The following BMPR1B variants were observed in gnomAD, a reference collection of about 807,000 sequenced individuals.
The protein encoded by BMPR1B is bone morphogenetic protein receptor type-1B.
BMPR1B carries 12 observed loss-of-function variants against 59.1 expected under a neutral mutation model. The observed-to-expected ratio is 0.20, with a 90% CI of 0.13 to 0.33. The LOEUF is 0.33. Ranked by LOEUF, BMPR1B falls within the 10% of genes least tolerant of loss-of-function variation. The probability of loss-of-function intolerance (pLI) is 1.00; values close to 1 mark genes in which losing one functional copy is unlikely to be tolerated. For missense variants in BMPR1B, 550 were observed against 610.9 expected, an observed-to-expected ratio of 0.90 and a Z score of 1.05; for synonymous variants, 237 against 207.3, an observed-to-expected ratio of 1.14 and a Z score of -1.23.
intron 3 of BMPR1B, among the ~76,000 whole-genome samples, chr4:95,014,306 A>C (rs1200678108): frequency 6.6e-6 from 1 of 152,210 alleles, no homozygotes; most frequent in Non-Finnish European, 1.5e-5. Flanking sequence ...CAGAAGTTAG[A>C]CTATCTTATA....
chr4:95,032,139 G>T (rs930998114), intron 3 of BMPR1B, among the ~76,000 whole-genome samples: 3 of 152,096 alleles, frequency 2.0e-5, no homozygotes, highest in African/African-American at 7.2e-5. Flanking sequence ...ACAGTTCTGG[G>T]GACTGGGAAA....
intron 3 of BMPR1B, among the ~76,000 whole-genome samples, chr4:95,048,187 G>T (rs988462368): frequency 6.6e-6 from 1 of 152,106 alleles, no homozygotes; most frequent in African/African-American, 2.4e-5. Flanking sequence ...TCTTTATCCA[G>T]TCTACTGCTG....
chr4:94,903,339 A>C (rs1014997008), intron 2 of BMPR1B, among the ~76,000 whole-genome samples: 8 of 151,954 alleles, frequency 5.3e-5, no homozygotes, highest in Non-Finnish European at 1.2e-4. Flanking sequence ...GAATGAACTT[A>C]TTATACTCCT....
At chr4:94,858,460 G>A (rs751670585) in intron 1 of BMPR1B, among the ~76,000 whole-genome samples, 5 of 152,076 alleles carry the variant, frequency 3.3e-5, no homozygotes, top group Non-Finnish European at 7.4e-5. Context: ...TGGAATTCAT[G>A]CCATAATTTT....
intron 1 of BMPR1B, among the ~76,000 whole-genome samples, chr4:94,857,366 C>T (rs1300826099): frequency 6.6e-6 from 1 of 152,124 alleles, no homozygotes; most frequent in Non-Finnish European, 1.5e-5. Flanking sequence ...GTACCATTTT[C>T]TGTAGAAGGT....
At chr4:94,913,952 T>C (rs1193035598) in intron 2 of BMPR1B, among the ~76,000 whole-genome samples, 2 of 152,190 alleles carry the variant, frequency 1.3e-5, no homozygotes, top group African/African-American at 2.4e-5. Flanking sequence ...GGCTATCTTA[T>C]TGGATAGGGT....
chr4:94,872,138 T>C (rs1301843002), intron 1 of BMPR1B, among the ~76,000 whole-genome samples: 1 of 152,200 alleles, frequency 6.6e-6, no homozygotes, highest in East Asian at 1.9e-4. Flanking sequence ...GAGGTCTGCT[T>C]TCTCTTACCG....
intron 1 of BMPR1B, among the ~76,000 whole-genome samples, chr4:94,804,590 C>CTTTTTTTTTTTTTTTT: frequency 8.2e-6 from 1 of 121,568 alleles, no homozygotes; most frequent in Non-Finnish European, 1.6e-5. Context: ...CTTTGTAATA[C>CTTTTTTTTTTTTTTTT]TTTTTTTTTT....
rs1236683068 is a variant in BMPR1B at position 95,061,190 on chromosome 4, CACACACACACACACACACACCA to C, written c.-17-43217_-17-43196del. On this transcript the variant is annotated intron_variant, in intron 3 of 12. Coordinates refer to ENST00000515059, the MANE Select transcript of BMPR1B (RefSeq NM_001203.3). ...ACACACACACACACACACACACACACACACACACACACACACACACCACACACCCCTCCATTGAATATACATA... is the reference window on the plus strand; with the variant it reads ...ACACACACACACACACACACACACACCACACCCCTCCATTGAATATACATA... Among the ~76,000 whole-genome samples the C allele has an allele frequency of 5.3e-4, 56 of 106,340 alleles. No individual in the cohort carries two copies. The East Asian group carries it at 0.011, about 20-fold the overall frequency. 69.8% of individuals were successfully genotyped at this position (106,340 alleles called of 152,430 possible). A position where few individuals can be genotyped will look rare whatever the true frequency, so the allele number is the denominator to read the frequency against.
intron 1 of BMPR1B, among the ~76,000 whole-genome samples, chr4:94,762,355 C>G (rs745508593): frequency 1.3e-5 from 2 of 152,106 alleles, no homozygotes. Context: ...GAAAACAAGA[C>G]AGGGTGATAA....
At chr4:95,142,515 G>GGGTA (rs1734309790) in intron 10 of BMPR1B, among the ~76,000 whole-genome samples, 2 of 151,844 alleles carry the variant, frequency 1.3e-5, no homozygotes, top group South Asian at 4.2e-4. Flanking sequence ...ATTTTTTAAG[G>GGGTA]GGTACAATGT....
intron 2 of BMPR1B, among the ~76,000 whole-genome samples, chr4:94,887,267 A>G (rs1178205989): frequency 2.0e-5 from 3 of 151,570 alleles, no homozygotes; most frequent in East Asian, 3.9e-4. Context: ...TAAACTAGGA[A>G]TTGTGTAAAA....
intron 3 of BMPR1B, among the ~76,000 whole-genome samples, chr4:95,009,867 C>A (rs1024455278): frequency 6.6e-6 from 1 of 152,148 alleles, no homozygotes; most frequent in Non-Finnish European, 1.5e-5. Context: ...AAGGATCTTT[C>A]ACTGAAGAGG....
chr4:94,945,371 G>A (rs945975764), intron 2 of BMPR1B, among the ~76,000 whole-genome samples: 10 of 152,102 alleles, frequency 6.6e-5, no homozygotes, highest in Non-Finnish European at 1.3e-4. Flanking sequence ...TATGATGATG[G>A]GAAAAACATC....
At chr4:95,006,337 G>A (rs1462022249) in intron 3 of BMPR1B, among the ~76,000 whole-genome samples, 1 of 147,994 alleles carries the variant, frequency 6.8e-6, no homozygotes, top group Non-Finnish European at 1.5e-5. Flanking sequence ...GAGATCAGGA[G>A]TACGAGACCA....
intron 1 of BMPR1B, among the ~76,000 whole-genome samples, chr4:94,788,412 A>C (rs1029244806): frequency 2.6e-5 from 4 of 152,094 alleles, no homozygotes; most frequent in African/African-American, 9.7e-5. Context: ...CCTAGTGGCA[A>C]CTGTGAATGG....
chr4:94,795,792 A>G (rs567880131), intron 1 of BMPR1B, among the ~76,000 whole-genome samples: 63 of 152,216 alleles, frequency 4.1e-4, no homozygotes, highest in Middle Eastern at 6.8e-3. Context: ...AGTAAATACA[A>G]TACCACTCCT....
At chr4:94,921,568 A>G (rs934094810) in intron 2 of BMPR1B, among the ~76,000 whole-genome samples, 2 of 152,020 alleles carry the variant, frequency 1.3e-5, no homozygotes, top group East Asian at 1.9e-4. Flanking sequence ...CACACTTTTA[A>G]ACAACCGCAT....
intron 2 of BMPR1B, among the ~76,000 whole-genome samples, chr4:94,962,425 TATTC>T (rs1040168617): frequency 4.6e-5 from 7 of 152,012 alleles, no homozygotes; most frequent in African/African-American, 1.7e-4. Context: ...GGCTAGATCT[TATTC>T]TTTCTAGCAG....
Sources: allele counts gnomAD v4.1 joint callset (sites outside exome capture counted in the v4.1 genomes callset), GRCh38; gene constraint gnomAD v4.1.1; transcripts MANE v1.5; gene names NCBI Gene and HGNC (gene_info 2026-07-23, HGNC 2026-07-21).